The following WDR17 variants were observed in gnomAD, a reference collection of about 807,000 sequenced individuals.
WDR17 encodes WD repeat-containing protein 17.
WDR17 carries 143 observed loss-of-function variants against 161.7 expected under a neutral mutation model. The observed-to-expected ratio is 0.88, with a 90% CI of 0.77 to 1.02. The LOEUF (loss-of-function observed/expected upper bound fraction) is 1.02. WDR17 is among the 50% of genes least tolerant of loss of function. WDR17 has a pLI of 0.00. For missense variants in WDR17, 1,469 were observed against 1,520.9 expected (o/e 0.97, Z 0.57); for synonymous variants, 517 against 515.6 (o/e 1.00, Z -0.04).
chr4:176,161,028 C>A, intron 20 of WDR17, 26 bp downstream of exon 20: 1 of 1,573,450 alleles, frequency 6.4e-7, no homozygotes, highest in Non-Finnish European at 8.6e-7. Flanking sequence ...GCTCTGGGTC[C>A]ATATGTTTTA....
At chr4:176,087,424 T>G (rs1023316043) in intron 1 of WDR17, among the ~76,000 whole-genome samples, 5 of 152,142 alleles carry the variant, frequency 3.3e-5, no homozygotes, top group Non-Finnish European at 5.9e-5. Context: ...TTTTTAAGAT[T>G]TAATATTTTC....
At chr4:176,069,920 A>G (rs1310622998) in intron 1 of WDR17, among the ~76,000 whole-genome samples, 1 of 152,194 alleles carries the variant, frequency 6.6e-6, no homozygotes, top group East Asian at 1.9e-4. Context: ...ATTCTTTAAG[A>G]TAAAACATTA....
chr4:176,168,573 G>T, intron 22 of WDR17, 99 bp from the exon 23 acceptor site: 1 of 1,379,288 alleles, frequency 7.3e-7, no homozygotes, highest in South Asian at 1.4e-5. Context: ...TAAAAAGCAA[G>T]AGTGGTATAT....
intron 1 of WDR17, among the ~76,000 whole-genome samples, chr4:176,066,974 C>T (rs1732612486): frequency 6.6e-6 from 1 of 152,118 alleles, no homozygotes; most frequent in Admixed American, 6.6e-5. Context: ...AAATAAATGA[C>T]AATGAATTTA....
At chr4:176,160,832 T>C in intron 19 of WDR17, 79 bp from the exon 20 acceptor site, 1 of 1,164,122 alleles carries the variant, frequency 8.6e-7, no homozygotes, top group Non-Finnish European at 1.2e-6. Context: ...TAAGTATACT[T>C]TGCTCAAAAT....
Position 176,179,496 on chromosome 4 carries a change from A to C in WDR17, c.3769A>C (p.Ile1257Leu). The C allele has an allele frequency of 6.2e-7, 1 of 1,604,828 alleles. No homozygotes were observed. Among genetic ancestry groups the C allele is most frequent in the Non-Finnish European group, 8.5e-7 (1 of 1,174,904 alleles). ...TTTCCTTGAAGACGGGAAATCTGCT[A>C]TCTCCTTGAATGATGCTTTGATGTG... is the stretch of plus-strand genomic sequence containing the variant. ...VFFLEDGKSAISLNDALMWAK... is the reference protein window; with the variant it reads ...VFFLEDGKSALSLNDALMWAK... Residue 1257 changes from isoleucine to leucine, a missense_variant, in exon 29 of 29, where the codon ATC becomes CTC. Coordinates refer to ENST00000508596, the MANE Select transcript of WDR17 (RefSeq NM_181265.4).
intron 25 of WDR17, 109 bp downstream of exon 25, chr4:176,173,478 G>A (rs1229452495): frequency 3.3e-6 from 2 of 613,800 alleles, no homozygotes; most frequent in African/African-American, 3.9e-5. Flanking sequence ...TGGACAGGTA[G>A]CTACACTTGT....
At chr4:176,139,118 A>G (rs925056955) in intron 9 of WDR17, among the ~76,000 whole-genome samples, 8 of 151,894 alleles carry the variant, frequency 5.3e-5, no homozygotes, top group Non-Finnish European at 1.0e-4. Context: ...AGTTAAAACT[A>G]TATTTACACA....
At chr4:176,073,167 A>G (rs905571725) in intron 1 of WDR17, among the ~76,000 whole-genome samples, 2 of 151,910 alleles carry the variant, frequency 1.3e-5, no homozygotes, top group Non-Finnish European at 2.9e-5. Context: ...GGTTTGTTAC[A>G]TATGTATACA....
chr4:176,126,009 A>G (rs1465212610), intron 5 of WDR17, among the ~76,000 whole-genome samples: 5 of 152,202 alleles, frequency 3.3e-5, no homozygotes, highest in African/African-American at 7.2e-5. Context: ...CTTTTATAAC[A>G]AAGCCACTCT....
intron 1 of WDR17, among the ~76,000 whole-genome samples, chr4:176,094,463 A>G (rs1164960091): frequency 6.6e-6 from 1 of 152,220 alleles, no homozygotes; most frequent in African/African-American, 2.4e-5. Context: ...AGAAAGAGAC[A>G]TTTAATTTGA....
At chr4:176,140,801 A>T (rs1039673565) in intron 10 of WDR17, among the ~76,000 whole-genome samples, 2 of 146,982 alleles carry the variant, frequency 1.4e-5, no homozygotes, top group Non-Finnish European at 3.0e-5. Flanking sequence ...TTCAGAAACA[A>T]CAATATTAGT....
At position 176,180,283 on chromosome 4, in the gene WDR17, A is replaced by G. The variant is rs1380105378; in HGVS notation, c.*704A>G. The G allele has an allele frequency of 6.6e-6, 1 of 152,222 alleles. No homozygotes were observed. The highest frequency in any genetic ancestry group is 1.5e-5 in the Non-Finnish European group (1 of 68,038). 9.4% of individuals were successfully genotyped at this position (152,222 alleles called of 1,614,324 possible). A position where few individuals can be genotyped will look rare whatever the true frequency, so the allele number is the denominator to read the frequency against. On this transcript the variant is annotated 3_prime_UTR_variant, in exon 29 of 29. Transcript: ENST00000508596. ...AATCACAAAATGCAGTCGAATATATATATGAAAACTTGCATTAGGTGATAA... is the reference window on the plus strand; with the variant it reads ...AATCACAAAATGCAGTCGAATATATGTATGAAAACTTGCATTAGGTGATAA...
chr4:176,130,513 G>A, intron 6 of WDR17, among the ~76,000 whole-genome samples: 1 of 152,146 alleles, frequency 6.6e-6, no homozygotes, highest in East Asian at 1.9e-4. Context: ...GGGAGGCCAA[G>A]GCGGGCAGAT....
chr4:176,139,019 G>C (rs73871903), intron 9 of WDR17, among the ~76,000 whole-genome samples: 2,429 of 151,802 alleles, frequency 0.016, 64 homozygotes, highest in African/African-American at 0.054. Context: ...TGAATAAAAG[G>C]ACTAGTCCCA....
At chr4:176,086,183 G>A (rs187558493) in intron 1 of WDR17, among the ~76,000 whole-genome samples, 7 of 151,984 alleles carry the variant, frequency 4.6e-5, no homozygotes, top group African/African-American at 1.7e-4. Context: ...GCGTTTTAAA[G>A]TTTGGTTAAA....
chr4:176,131,660 T>A lies in WDR17; in HGVS notation c.1020T>A (p.His340Gln), dbSNP rs199774879. 2 of 1,613,838 alleles carry A rather than the reference T, an allele frequency of 1.2e-6. No homozygotes were observed. The highest frequency in any genetic ancestry group is 1.7e-6 in the Non-Finnish European group (2 of 1,179,836). ...QNQAFSLPPG[H>Q]AVCCFLDGGV... is the part of the protein sequence containing the mutation. ...AAGCATTTTCTCTTCCTCCTGGTCA[T>A]GCAGTGTGTTGTTTCTTGGATGGTG... Residue 340 changes from histidine to glutamine, a missense_variant, in exon 7 of 29, where the codon CAT becomes CAA. His to Gln is a conservative substitution (Grantham distance 24). Transcript: ENST00000508596.
Position 176,135,164 on chromosome 4 carries a change from A to G in WDR17, c.1155A>G (p.Leu385=), listed in dbSNP as rs762474501. ...CKFKPDDPNL[L]ATASFDGTIK... Reference sequence around the variant, plus strand: ...TCAAACCTGACGATCCTAATCTTTTAGCAACAGCTTCATTTGATGGCACTA... The same window carrying G: ...TCAAACCTGACGATCCTAATCTTTTGGCAACAGCTTCATTTGATGGCACTA... Residue 385 remains leucine (L), a synonymous_variant, in exon 8 of 29, where the codon TTA becomes TTG. Transcript: ENST00000508596. The G allele has an allele frequency of 3.7e-6, 6 of 1,612,408 alleles. No individual in the cohort carries two copies. The East Asian group carries it at 1.3e-4, about 36-fold the overall frequency.
Position 176,182,064 on chromosome 4 carries a change from TA to T in WDR17, c.*2486del, listed in dbSNP as rs1245208640. On this transcript the variant is annotated 3_prime_UTR_variant, in exon 29 of 29. Coordinates refer to ENST00000508596, the MANE Select transcript of WDR17 (RefSeq NM_181265.4). The surrounding 1 kb of genome is among the most constrained non-coding windows in gnomAD (Gnocchi z 4.2). ...AAACAAATTTTTTAATTCATAAAAG[TA>T]TTTTTATTAGATTTCATATGCATGA... 1 of 152,090 alleles carries T rather than the reference TA, an allele frequency of 6.6e-6. No individual in the cohort carries two copies. The highest frequency in any genetic ancestry group is 1.5e-5 in the Non-Finnish European group (1 of 67,946). The allele number at this position is 152,090 out of a possible 1,614,324, so 9.4% of individuals were successfully genotyped here.
Sources: allele counts gnomAD v4.1 joint callset (sites outside exome capture counted in the v4.1 genomes callset), GRCh38; gene constraint gnomAD v4.1.1; non-coding constraint Gnocchi (gnomAD v3.1); transcripts MANE v1.5; gene names NCBI Gene and HGNC (gene_info 2026-07-23, HGNC 2026-07-21).